Variants in PKNOX2 observed in about 807,000 individuals in gnomAD.
The protein encoded by PKNOX2 is homeobox protein PKNOX2.
Under a neutral mutation model 53.1 loss-of-function variants are expected in PKNOX2, and 14 were observed. The observed-to-expected ratio is 0.26, with a 90% CI of 0.17 to 0.41. The LOEUF (loss-of-function observed/expected upper bound fraction) is 0.41. PKNOX2 is among the 10% of genes least tolerant of loss of function. The pLI, the probability that PKNOX2 is intolerant of heterozygous loss-of-function variation, is 1.00. For missense variants in PKNOX2, 496 were observed against 602.8 expected (o/e 0.82, Z 1.85); for synonymous variants, 257 against 242.8 (o/e 1.06, Z -0.54).
chr11:125,248,158 A>G (rs931487484), intron 2 of PKNOX2, among the ~76,000 whole-genome samples: 1 of 152,198 alleles, frequency 6.6e-6, no homozygotes, highest in Non-Finnish European at 1.5e-5. Context: ...TGAACAAATG[A>G]ACAGGACTAT....
intron 2 of PKNOX2, among the ~76,000 whole-genome samples, chr11:125,244,673 G>A (rs1022978239): frequency 6.6e-6 from 1 of 152,214 alleles, no homozygotes; most frequent in African/African-American, 2.4e-5. Flanking sequence ...TTAATCCAAG[G>A]TGTTCCCTCA....
intron 1 of PKNOX2, among the ~76,000 whole-genome samples, chr11:125,196,087 A>T (rs542314116): frequency 9.2e-5 from 14 of 152,116 alleles, no homozygotes; most frequent in Admixed American, 2.6e-4. Flanking sequence ...GGCATTGGGC[A>T]TGGGGATCTG....
In PKNOX2 at chr11:125,367,810, T is replaced by C. The variant is rs117541197; in HGVS notation, c.88-36T>C. On this transcript the variant is annotated intron_variant, in intron 4 of 12. Transcript: ENST00000298282. Reference sequence around the variant, plus strand: ...AGCCTGGAGACCAGCACCCTGGCCATGCTAACCCACCACCTCCCCTTTCTT... The same window carrying C: ...AGCCTGGAGACCAGCACCCTGGCCACGCTAACCCACCACCTCCCCTTTCTT... The C allele has an allele frequency of 2.6e-3, 4,101 of 1,598,414 alleles. 20 individuals carry two copies. The highest frequency in any genetic ancestry group is 2.7e-3 in the Non-Finnish European group (3,141 of 1,172,278).
At chr11:125,226,941 G>A (rs1002553105) in intron 1 of PKNOX2, among the ~76,000 whole-genome samples, 1 of 151,846 alleles carries the variant, frequency 6.6e-6, no homozygotes, top group African/African-American at 2.4e-5. Flanking sequence ...GGAGGCTCTG[G>A]GTTCCTTGCT....
chr11:125,396,854 G>C (rs903375738), intron 6 of PKNOX2, among the ~76,000 whole-genome samples: 1 of 152,198 alleles, frequency 6.6e-6, no homozygotes, highest in Non-Finnish European at 1.5e-5. Flanking sequence ...TCATAGTCTA[G>C]AAGAGAGGAT....
chr11:125,276,887 T>G (rs1236007864), intron 2 of PKNOX2, among the ~76,000 whole-genome samples: 1 of 152,304 alleles, frequency 6.6e-6, no homozygotes, highest in South Asian at 2.1e-4. Context: ...GTGGGTAGGA[T>G]ACCAGGGCAG....
intron 1 of PKNOX2, among the ~76,000 whole-genome samples, chr11:125,180,103 T>C (rs933158310): frequency 6.6e-6 from 1 of 152,206 alleles, no homozygotes; most frequent in African/African-American, 2.4e-5. Context: ...CCGCGTGTAC[T>C]GGTCCTTCTG....
At position 125,426,719 on chromosome 11, in the gene PKNOX2, T is replaced by TGTC. The variant is rs1489316546; in HGVS notation, c.937-2292_937-2290dup. On this transcript the variant is annotated intron_variant, in intron 10 of 12. Coordinates refer to ENST00000298282, the MANE Select transcript of PKNOX2 (RefSeq NM_001382323.2). ...ATCCTTCAACGTTGGCCTCTTTGCC[T>TGTC]GTCTGCACACTGTGCCTGGTCTGCA... is the stretch of plus-strand genomic sequence containing the variant. Among the ~76,000 whole-genome samples the TGTC allele has an allele frequency of 1.1e-3, 174 of 152,332 alleles. 1 individual carries two copies. Among genetic ancestry groups the TGTC allele is most frequent in the African/African-American group, 4.0e-3 (166 of 41,574 alleles).
At chr11:125,358,036 ACT>A (rs1044316033) in intron 4 of PKNOX2, among the ~76,000 whole-genome samples, 2 of 151,946 alleles carry the variant, frequency 1.3e-5, no homozygotes, top group East Asian at 3.9e-4. Context: ...AATGAGAATA[ACT>A]CTGCCCTCCC....
At chr11:125,261,847 AAAG>A (rs1944873142) in intron 2 of PKNOX2, among the ~76,000 whole-genome samples, 1 of 152,252 alleles carries the variant, frequency 6.6e-6, no homozygotes, top group Admixed American at 6.5e-5. Context: ...TGTAAGTGCA[AAAG>A]CAATCTGCTG....
intron 2 of PKNOX2, among the ~76,000 whole-genome samples, chr11:125,248,649 TATG>T (rs1162062971): frequency 2.0e-5 from 3 of 148,722 alleles, no homozygotes; most frequent in Non-Finnish European, 3.0e-5. Context: ...CATACACATA[TATG>T]ATATGTGTTA....
intron 1 of PKNOX2, among the ~76,000 whole-genome samples, chr11:125,208,596 T>G (rs1258240801): frequency 6.6e-6 from 1 of 152,070 alleles, no homozygotes; most frequent in African/African-American, 2.4e-5. Context: ...AAAGTGAATA[T>G]GAGAGACGTA....
intron 2 of PKNOX2, among the ~76,000 whole-genome samples, chr11:125,275,129 G>T (rs79902580): frequency 0.037 from 5,617 of 152,264 alleles, 367 homozygotes; most frequent in African/African-American, 0.13. Context: ...ATGGAAATAA[G>T]AAAATGTTAG....
chr11:125,261,068 T>A (rs555498186), intron 2 of PKNOX2, among the ~76,000 whole-genome samples: 147 of 152,246 alleles, frequency 9.7e-4, no homozygotes, highest in African/African-American at 3.1e-3. Context: ...AGATACTGAT[T>A]GTGGTAATGA....
chr11:125,230,376 G>T (rs7104532), intron 1 of PKNOX2, among the ~76,000 whole-genome samples: 3,567 of 152,270 alleles, frequency 0.023, 127 homozygotes, highest in African/African-American at 0.081. Context: ...GCAAAACATT[G>T]TCAGGTGATG....
chr11:125,207,305 T>G (rs1262608786), intron 1 of PKNOX2, among the ~76,000 whole-genome samples: 1 of 151,942 alleles, frequency 6.6e-6, no homozygotes, highest in East Asian at 1.9e-4. Context: ...CCAACATCTA[T>G]GGAACATATA....
At chr11:125,242,583 G>A (rs1374206668) in intron 2 of PKNOX2, among the ~76,000 whole-genome samples, 1 of 152,096 alleles carries the variant, frequency 6.6e-6, no homozygotes, top group African/African-American at 2.4e-5. Flanking sequence ...ATCAGGGGTG[G>A]AGGAGTCTGC....
intron 1 of PKNOX2, among the ~76,000 whole-genome samples, chr11:125,171,753 G>A (rs1955335362): frequency 1.3e-5 from 2 of 152,226 alleles, no homozygotes; most frequent in Non-Finnish European, 2.9e-5. Flanking sequence ...TGCACAAATA[G>A]CCAGTCAATG....
chr11:125,164,817 GGCGGCGGCGGCGGC>G (rs1050557762), intron 1 of PKNOX2, 41 bp downstream of exon 1: 15 of 175,306 alleles, frequency 8.6e-5, no homozygotes, highest in South Asian at 2.4e-4. Flanking sequence ...CGCTTTTGCA[GGCGGCGGCGGCGGC>G]GCGGCGGCGG....
Sources: gnomAD v4.1 joint callset for allele counts (sites outside exome capture counted in the v4.1 genomes callset) on GRCh38, gnomAD v4.1.1 for gene constraint, MANE v1.5 for transcripts, NCBI Gene and HGNC (gene_info 2026-07-23, HGNC 2026-07-21) for gene names.